The following CHD5 variants were observed in gnomAD, a reference collection of about 807,000 sequenced individuals.
The protein encoded by CHD5 is ATP-dependent chromatin remodeler CHD5.
In CHD5, 69 loss-of-function variants were observed where a neutral mutation model predicts 230.3. The observed-to-expected ratio is 0.30, with a 90% CI of 0.25 to 0.37. The LOEUF is 0.37. CHD5 is among the 10% of genes least tolerant of loss of function. The pLI is 1.00. For missense variants in CHD5, 1,827 were observed against 2,622.8 expected (o/e 0.70, Z 6.63); for synonymous variants, 1,064 against 1,065.9 (o/e 1.00, Z 0.03).
At chr1:6,145,959 G>A (rs148781548) in intron 11 of CHD5, among the ~76,000 whole-genome samples, 20 of 152,270 alleles carry the variant, frequency 1.3e-4, no homozygotes, top group Admixed American at 4.6e-4. Context: ...GGGTCCCGAC[G>A]CCCCAGGGGT....
intron 2 of CHD5, among the ~76,000 whole-genome samples, chr1:6,162,205 A>G (rs1031507716): frequency 1.3e-5 from 2 of 152,056 alleles, no homozygotes; most frequent in Admixed American, 1.3e-4. Flanking sequence ...AACTTGGAGA[A>G]ACACTTTCTC....
At chr1:6,120,928 C>G (rs1032671600) in intron 33 of CHD5, among the ~76,000 whole-genome samples, 177 bp downstream of exon 33, 2 of 151,762 alleles carry the variant, frequency 1.3e-5, no homozygotes, top group African/African-American at 4.8e-5. Flanking sequence ...TCCATTAAGT[C>G]CATGTATAGA....
chr1:6,168,182 T>C lies in CHD5; in HGVS notation c.175A>G (p.Asn59Asp), dbSNP rs752261233. 1 of 1,611,816 alleles carries C rather than the reference T, an allele frequency of 6.2e-7. No individual in the cohort carries two copies. The highest frequency in any genetic ancestry group is 1.7e-5 in the Admixed American group (1 of 59,952). Residue 59 changes from asparagine to aspartate, a missense_variant, in exon 2 of 42, where the codon AAC becomes GAC. Transcript: ENST00000262450. The part of the protein sequence containing the change: ...KKKKPKKLKE[N>D]KCKGKRKKKE... Reference sequence around the variant, plus strand: ...TTCTTCCGCTTCCCTTTACACTTGTTTTCCTTGAGCTTCTTGGGTTTCTTC... The same window carrying C: ...TTCTTCCGCTTCCCTTTACACTTGTCTTCCTTGAGCTTCTTGGGTTTCTTC...
At position 6,129,655 on chromosome 1, in the gene CHD5, G is replaced by C. The variant is rs1666621797; in HGVS notation, c.3387+549C>G. Among the ~76,000 whole-genome samples the C allele has an allele frequency of 6.6e-6, 1 of 152,164 alleles. No homozygotes were observed. The highest frequency in any genetic ancestry group is 1.5e-5 in the Non-Finnish European group (1 of 68,024). The stretch of plus-strand genomic sequence containing the variant: ...AATTTGTATGTGTTCCCCTACATTT[G>C]TAAGCATTCAATGTGTGTGTCCCAG... On this transcript the variant is annotated intron_variant, in intron 22 of 41. Transcript: ENST00000262450. This position sits in a 1 kb window ranked among gnomAD's most constrained non-coding sequence, Gnocchi z 6.8.
rs80227949 is a variant in CHD5, at chr1:6,135,120, G to A, written c.2870+110C>T. ...AGAAAGTGTATGCAAAGCATTAGCC[G>A]AGACCTCAGTGAGGCTGAAGAGCCC... On this transcript the variant is annotated intron_variant, in intron 18 of 41. Transcript: ENST00000262450. 4.5e-3 allele frequency: 5,740 copies of A among 1,289,824 alleles called. 181 individuals are homozygous for A. In the African/African-American group the frequency reaches 0.07, roughly 16 times the overall value. The allele number at this position is 1,289,824 out of a possible 1,614,324, so 79.9% of individuals were successfully genotyped here.
At chr1:6,108,058 G>T (rs111214022) in intron 38 of CHD5, among the ~76,000 whole-genome samples, 1 of 139,466 alleles carries the variant, frequency 7.2e-6, no homozygotes, top group Non-Finnish European at 1.6e-5. Context: ...TGGAGGGATG[G>T]AGGGATGGAG....
chr1:6,151,921 G>A (rs924852678), intron 6 of CHD5, among the ~76,000 whole-genome samples: 5 of 152,164 alleles, frequency 3.3e-5, no homozygotes, highest in Non-Finnish European at 2.9e-5. Context: ...GTCTGAGCCT[G>A]GGCCCAGAGC....
At chr1:6,172,429 G>T (rs537789405) in intron 1 of CHD5, among the ~76,000 whole-genome samples, 143 of 152,136 alleles carry the variant, frequency 9.4e-4, no homozygotes, top group Admixed American at 2.2e-3. Context: ...GGGCTCGAGC[G>T]ACCCTCCCAC....
rs373994191 is a variant in CHD5 at position 6,126,769 on chromosome 1, T to C, written c.3904-23A>G. 3.1e-6 allele frequency: 5 copies of C among 1,607,034 alleles called. No individual in the cohort carries two copies. In the African/African-American group the frequency reaches 6.7e-5, roughly 22 times the overall value. ...CTCCTGGGGACGCAGCACCACGGGT[T>C]CCATGGGTGGAGCCATCTCTGCCCT... On this transcript the variant is annotated intron_variant, in intron 25 of 41. Transcript: ENST00000262450. The surrounding 1 kb of genome is among the most constrained non-coding windows in gnomAD (Gnocchi z 5.7).
intron 17 of CHD5, among the ~76,000 whole-genome samples, chr1:6,135,696 C>T (rs1666735495): frequency 6.6e-6 from 1 of 152,196 alleles, no homozygotes; most frequent in Non-Finnish European, 1.5e-5. Context: ...CGAGTTGATA[C>T]AGTCCAGCTG....
Position 6,121,460 on chromosome 1 carries a change from A to C in CHD5, c.4779+34T>G. ...CCCAGACCCAACCTCCACCCCACAC[A>C]CACCACAGGCCCAGACGCCAGCAAG... On this transcript the variant is annotated intron_variant, in intron 32 of 41. Coordinates refer to ENST00000262450, the MANE Select transcript of CHD5 (RefSeq NM_015557.3). The surrounding 1 kb of genome is among the most constrained non-coding windows in gnomAD (Gnocchi z 4.5). 6.3e-7 allele frequency: 1 copy of C among 1,586,864 alleles called. No individual in the cohort carries two copies. Among genetic ancestry groups the C allele is most frequent in the Non-Finnish European group, 8.6e-7 (1 of 1,162,380 alleles).
In CHD5 at chr1:6,103,806, G is replaced by A. The variant is rs1666113883; in HGVS notation, c.*1668C>T. The A allele has an allele frequency of 6.6e-6, 1 of 152,238 alleles. No individual in the cohort carries two copies. The highest frequency in any genetic ancestry group is 2.4e-5 in the African/African-American group (1 of 41,446). 9.4% of individuals were successfully genotyped at this position (152,238 alleles called of 1,614,324 possible). On this transcript the variant is annotated 3_prime_UTR_variant, in exon 42 of 42. Transcript: ENST00000262450. ...AGGACTTGTAGGTCCCGCCCTCCGG[G>A]GTTCAGAGACAGCCTCATTATGAGT...
At position 6,128,805 on chromosome 1, in the gene CHD5, C is replaced by A. The variant is rs748356117; in HGVS notation, c.3619+33G>T. ...GGTGTCTCAGCCGGGCCACCCCAGT[C>A]CCCTGCCACGCTCCCTCGGAACAGA... On this transcript the variant is annotated intron_variant, in intron 23 of 41. Coordinates refer to ENST00000262450, the MANE Select transcript of CHD5 (RefSeq NM_015557.3). The surrounding 1 kb of genome is among the most constrained non-coding windows in gnomAD (Gnocchi z 7.8). 2 of 1,575,076 alleles carry A rather than the reference C, an allele frequency of 1.3e-6. No individual in the cohort carries two copies. The highest frequency in any genetic ancestry group is 2.3e-5 in the East Asian group (1 of 44,394).
chr1:6,144,772 C>A (rs1443047051), intron 11 of CHD5, among the ~76,000 whole-genome samples: 2 of 152,176 alleles, frequency 1.3e-5, no homozygotes, highest in African/African-American at 2.4e-5. Context: ...GAGGGCCGGG[C>A]TGGGGCTTGA....
In CHD5 at chr1:6,126,459, A is replaced by G; in HGVS notation, c.4078+113T>C. On this transcript the variant is annotated intron_variant, in intron 26 of 41. Transcript: ENST00000262450. This position sits in a 1 kb window ranked among gnomAD's most constrained non-coding sequence, Gnocchi z 5.7. ...CCCATCCCTCCTGGCACACTCGCCCAGCTCTCCCGGCCCGCACCTCCCGGG... is the reference window on the plus strand; with the variant it reads ...CCCATCCCTCCTGGCACACTCGCCCGGCTCTCCCGGCCCGCACCTCCCGGG... 1.6e-6 allele frequency: 1 copy of G among 617,346 alleles called. No homozygotes were observed. Among genetic ancestry groups the G allele is most frequent in the South Asian group, 1.8e-5 (1 of 54,926 alleles). The allele number at this position is 617,346 out of a possible 1,614,324, so 38.2% of individuals were successfully genotyped here. A position where few individuals can be genotyped will look rare whatever the true frequency, so the allele number is the denominator to read the frequency against.
rs1236244607 is a variant in CHD5 at position 6,143,921 on chromosome 1, G to C, written c.1945C>G (p.Leu649Val). 25 of 1,613,952 alleles carry C rather than the reference G, an allele frequency of 1.5e-5. No individual in the cohort carries two copies. In the East Asian group the frequency reaches 5.6e-4, roughly 36 times the overall value. ...QAYWGHRELM[L>V]GEDTRLPKRL... ...TTGGGCAGCCTGGTGTCTTCTCCCA[G>C]CATCAGCTCCCTGGGAAACGGCATT... Residue 649 changes from leucine to valine, a missense_variant, in exon 13 of 42, where the codon CTG (leucine) becomes GTG (valine). Leu to Val is a conservative substitution (Grantham distance 32). Around this residue, in one of 14 missense-constraint regions of CHD5, gnomAD observed 657 missense variants for 816.4 expected, o/e 0.80. Coordinates refer to ENST00000262450, the MANE Select transcript of CHD5 (RefSeq NM_015557.3).
At position 6,129,809 on chromosome 1, in the gene CHD5, C is replaced by T. The variant is rs1284737832; in HGVS notation, c.3387+395G>A. On this transcript the variant is annotated intron_variant, in intron 22 of 41. Coordinates refer to ENST00000262450, the MANE Select transcript of CHD5 (RefSeq NM_015557.3). This position sits in a 1 kb window ranked among gnomAD's most constrained non-coding sequence, Gnocchi z 6.8. ...ATCTTATCCTCCCCTCCACCTCCAACAGGCCCCACTCTCTGCTCCCCACCC... is the reference window on the plus strand; with the variant it reads ...ATCTTATCCTCCCCTCCACCTCCAATAGGCCCCACTCTCTGCTCCCCACCC... 1.3e-5 allele frequency among the ~76,000 whole-genome samples: 2 copies of T among 152,054 alleles called. No individual in the cohort carries two copies. Among genetic ancestry groups the T allele is most frequent in the Non-Finnish European group, 2.9e-5 (2 of 67,992 alleles).
Position 6,152,539 on chromosome 1 carries a change from G to A in CHD5, c.746-3C>T. 1 of 1,613,898 alleles carries A rather than the reference G, an allele frequency of 6.2e-7. No homozygotes were observed. Among genetic ancestry groups the A allele is most frequent in the Non-Finnish European group, 8.5e-7 (1 of 1,179,990 alleles). On this transcript the variant is annotated splice_region_variant and splice_polypyrimidine_tract_variant and intron_variant, in intron 5 of 41. Transcript: ENST00000262450. ...GATCTTCTTCCTCACTCCAGGCCCT[G>A]AAAAACAGCAGTGATGATAGCCAAC... is the stretch of plus-strand genomic sequence containing the variant.
intron 5 of CHD5, among the ~76,000 whole-genome samples, chr1:6,153,325 G>T (rs1667034273): frequency 6.6e-6 from 1 of 152,254 alleles, no homozygotes; most frequent in African/African-American, 2.4e-5. Context: ...GGCAGGCTGG[G>T]CAGACAGGGG....
Sources: allele counts gnomAD v4.1 joint callset (sites outside exome capture counted in the v4.1 genomes callset), GRCh38; gene constraint gnomAD v4.1.1; regional missense constraint gnomAD v4.1.1; non-coding constraint Gnocchi (gnomAD v3.1); transcripts MANE v1.5; gene names NCBI Gene and HGNC (gene_info 2026-07-23, HGNC 2026-07-21).